KMT5B: variants seen among roughly 807,000 people sequenced by gnomAD.
KMT5B encodes the protein lysine methyltransferase 5B, also known as histone-lysine N-methyltransferase KMT5B.
KMT5B carries 10 observed loss-of-function variants against 83.2 expected under a neutral mutation model. That is an observed-to-expected ratio of 0.12 (90% CI 0.07 to 0.20). The LOEUF is 0.20. Ranked by LOEUF, KMT5B falls within the 10% of genes least tolerant of loss-of-function variation. The pLI is 1.00. For missense variants in KMT5B, 753 were observed against 1,067.2 expected (o/e 0.71, Z 4.10); for synonymous variants, 349 against 388.8 (o/e 0.90, Z 1.20).
intron 1 of KMT5B, among the ~76,000 whole-genome samples, chr11:68,210,353 A>AG (rs1223426483): frequency 3.9e-5 from 6 of 152,248 alleles, no homozygotes; most frequent in African/African-American, 1.4e-4. Flanking sequence ...TGAAACATGC[A>AG]GATGAACTAA....
chr11:68,210,376 G>A (rs1187545305), intron 1 of KMT5B, among the ~76,000 whole-genome samples: 2 of 152,158 alleles, frequency 1.3e-5, no homozygotes, highest in Non-Finnish European at 2.9e-5. Flanking sequence ...TGATTAGAGA[G>A]ATGTCAAAAT....
chr11:68,194,590 T>C (rs1380398951), intron 1 of KMT5B, among the ~76,000 whole-genome samples: 1 of 152,206 alleles, frequency 6.6e-6, no homozygotes, highest in East Asian at 1.9e-4. Context: ...TCAAGGTTCA[T>C]CTGCATTAAA....
In KMT5B at chr11:68,205,494, T is replaced by C. The variant is rs369572862; in HGVS notation, c.-77+7644A>G. Among the ~76,000 whole-genome samples the C allele has an allele frequency of 8.5e-5, 13 of 152,368 alleles. No homozygotes were observed. The South Asian group carries it at 1.2e-3, about 15-fold the overall frequency. ...ATGATCTTCCTGAATAGCATTGTAA[T>C]TGAACATTTTTCTATTTATATTAAA... On this transcript the variant is annotated intron_variant, in intron 1 of 10. Transcript: ENST00000304363.
chr11:68,158,977 G>C lies in KMT5B; in HGVS notation c.1369C>G (p.His457Asp), dbSNP rs373472607. 139 of 1,611,808 alleles carry C rather than the reference G, an allele frequency of 8.6e-5. No homozygotes were observed. The highest frequency in any genetic ancestry group is 1.2e-4 in the Non-Finnish European group (138 of 1,179,582). The change falls in exon 11 of 11, where the codon CAT (histidine) becomes GAT (aspartate). Residue 457 changes from histidine (H) to aspartate (D), a missense_variant. Around this residue, in one of 9 missense-constraint regions of KMT5B, gnomAD observed 397 missense variants for 395.9 expected, o/e 1.00. Coordinates refer to ENST00000304363, the MANE Select transcript of KMT5B (RefSeq NM_017635.5). ...TTCTTTTGCTCCAGCCGCTTGCAATGATTTCTCAATTTTATCTTTGAAAGT... is the reference window on the plus strand; with the variant it reads ...TTCTTTTGCTCCAGCCGCTTGCAATCATTTCTCAATTTTATCTTTGAAAGT... ...PLLSKIKLRNHCKRLEQKNAS... is the reference protein window; with the variant it reads ...PLLSKIKLRNDCKRLEQKNAS...
chr11:68,190,814 C>T (rs1857954316), intron 1 of KMT5B, among the ~76,000 whole-genome samples: 1 of 152,056 alleles, frequency 6.6e-6, no homozygotes, highest in South Asian at 2.1e-4. Context: ...AAGACCCTGC[C>T]TCTACAGAAA....
chr11:68,211,721 CGGGGTGGAGAAAA>C (rs1860927076), intron 1 of KMT5B, among the ~76,000 whole-genome samples: 1 of 152,044 alleles, frequency 6.6e-6, no homozygotes. Flanking sequence ...CAAGAGTGTA[CGGGGTGGAGAAAA>C]GGGGTGGAGG....
intron 4 of KMT5B, among the ~76,000 whole-genome samples, chr11:68,176,916 T>C (rs1243201768): frequency 6.6e-6 from 1 of 152,232 alleles, no homozygotes. Flanking sequence ...TTTAAAATTG[T>C]ACATTTCATA....
chr11:68,162,915 G>A (rs1350427447), intron 10 of KMT5B, among the ~76,000 whole-genome samples: 2 of 152,224 alleles, frequency 1.3e-5, no homozygotes, highest in Non-Finnish European at 2.9e-5. Context: ...TGAGGACCCA[G>A]TAGAGTGACA....
intron 4 of KMT5B, among the ~76,000 whole-genome samples, chr11:68,177,716 T>C (rs1206498909): frequency 6.6e-6 from 1 of 152,144 alleles, no homozygotes. Flanking sequence ...AATCAATTGG[T>C]ATACAAGCCT....
intron 10 of KMT5B, among the ~76,000 whole-genome samples, chr11:68,160,460 A>C (rs1273091127): frequency 6.6e-6 from 1 of 152,192 alleles, no homozygotes; most frequent in Non-Finnish European, 1.5e-5. Context: ...CGATAACAAA[A>C]CGAATCATCA....
At position 68,162,076 on chromosome 11, in the gene KMT5B, G is replaced by C. The variant is rs920764976; in HGVS notation, c.1175-2905C>G. 3.3e-5 allele frequency among the ~76,000 whole-genome samples: 5 copies of C among 152,266 alleles called. No individual in the cohort carries two copies. The South Asian group carries it at 1.0e-3, about 32-fold the overall frequency. ...CTGCTCTCCTGAACTGCCTCACCAA[G>C]CCAATCACCATGTGCCGTGGAGTCC... On this transcript the variant is annotated intron_variant, in intron 10 of 10. Transcript: ENST00000304363.
At chr11:68,196,763 A>G (rs145040729) in intron 1 of KMT5B, among the ~76,000 whole-genome samples, 1 of 151,994 alleles carries the variant, frequency 6.6e-6, no homozygotes, top group Non-Finnish European at 1.5e-5. Flanking sequence ...CCAGAGAAAA[A>G]GAACCAGGAC....
intron 2 of KMT5B, 65 bp downstream of exon 2, chr11:68,189,851 AC>A (rs1340958847): frequency 3.4e-6 from 5 of 1,482,958 alleles, no homozygotes; most frequent in Middle Eastern, 1.8e-4. Flanking sequence ...AATACACATT[AC>A]AAACTGGAAA....
chr11:68,167,580 G>A (rs1330535403), intron 9 of KMT5B, among the ~76,000 whole-genome samples: 1 of 151,456 alleles, frequency 6.6e-6, no homozygotes, highest in Non-Finnish European at 1.5e-5. Context: ...TCAGCATCCT[G>A]AGTATCTGGG....
rs1331897192 is a variant in KMT5B at position 68,171,902 on chromosome 11, T to C, written c.654-193A>G. On this transcript the variant is annotated intron_variant, in intron 6 of 10. Coordinates refer to ENST00000304363, the MANE Select transcript of KMT5B (RefSeq NM_017635.5). This position sits in a 1 kb window ranked among gnomAD's most constrained non-coding sequence, Gnocchi z 5.1. ...GAGCTCCACAGCCTTGTGCCATGGT[T>C]ACTTGTGTACCTATCTTATTCCTGC... Among the ~76,000 whole-genome samples the C allele has an allele frequency of 6.6e-6, 1 of 152,200 alleles. No homozygotes were observed. Among genetic ancestry groups the C allele is most frequent in the East Asian group, 1.9e-4 (1 of 5,198 alleles).
intron 2 of KMT5B, among the ~76,000 whole-genome samples, chr11:68,188,812 A>T (rs192093134): frequency 7.2e-5 from 11 of 152,202 alleles, no homozygotes; most frequent in African/African-American, 2.4e-4. Flanking sequence ...TGTGATCACT[A>T]TATTTCTCAA....
At chr11:68,208,275 C>T (rs139290269) in intron 1 of KMT5B, among the ~76,000 whole-genome samples, 7,695 of 151,756 alleles carry the variant, frequency 0.051, 217 homozygotes, top group African/African-American at 0.06. Context: ...GGTGAAACCC[C>T]GTCTCTACTA....
rs181602242 is a variant in KMT5B, at chr11:68,204,449, C to A, written c.-77+8689G>T. Among the ~76,000 whole-genome samples the A allele has an allele frequency of 4.0e-4, 61 of 152,230 alleles. 1 individual carries two copies. Among genetic ancestry groups the A allele is most frequent in the African/African-American group, 1.4e-3 (59 of 41,528 alleles). On this transcript the variant is annotated intron_variant, in intron 1 of 10. Transcript: ENST00000304363. ...CACAAAGTACAGAAGGTGAAGCAGA[C>A]TGGAGTGATGTGGCCACAGGTGAGG...
At chr11:68,180,598 T>C (rs1266412478) in intron 3 of KMT5B, among the ~76,000 whole-genome samples, 1 of 152,196 alleles carries the variant, frequency 6.6e-6, no homozygotes, top group Admixed American at 6.5e-5. Flanking sequence ...GCTGACATTC[T>C]GATTAGAAAA....
Sources: allele counts gnomAD v4.1 joint callset (sites outside exome capture counted in the v4.1 genomes callset), GRCh38; gene constraint gnomAD v4.1.1; regional missense constraint gnomAD v4.1.1; non-coding constraint Gnocchi (gnomAD v3.1); transcripts MANE v1.5; gene names NCBI Gene and HGNC (gene_info 2026-07-23, HGNC 2026-07-21).